The following CHFR variants were observed in gnomAD, a reference collection of about 807,000 sequenced individuals.
CHFR encodes checkpoint with forkhead and ring finger domains, also known as E3 ubiquitin-protein ligase CHFR.
Under a neutral mutation model 87.6 loss-of-function variants are expected in CHFR, and 57 were observed. The observed-to-expected ratio is 0.65, with a 90% CI of 0.53 to 0.81. The LOEUF is 0.81. Ranked by LOEUF, CHFR falls within the 30% of genes least tolerant of loss-of-function variation. The pLI is 0.00. For missense variants in CHFR, 797 were observed against 865.8 expected, an observed-to-expected ratio of 0.92 and a Z score of 1.00; for synonymous variants, 381 against 359.2, an observed-to-expected ratio of 1.06 and a Z score of -0.69.
intron 2 of CHFR, among the ~76,000 whole-genome samples, chr12:132,879,111 T>C (rs1951707322): frequency 6.7e-6 from 1 of 149,810 alleles, no homozygotes; most frequent in Non-Finnish European, 1.5e-5. Context: ...TTCAAGCCAT[T>C]CTCCTGCCTC....
chr12:132,877,745 T>A, intron 2 of CHFR, 91 bp from the exon 3 acceptor site: 1 of 703,896 alleles, frequency 1.4e-6, no homozygotes, highest in Non-Finnish European at 2.4e-6. Context: ...TGGTTCCAAC[T>A]CAGGATCCCC....
At chr12:132,849,988 C>G (rs1229923788) in intron 12 of CHFR, 1 of 152,040 alleles carries the variant, frequency 6.6e-6, no homozygotes, top group African/African-American at 2.4e-5. Context: ...GAGTCTTGCT[C>G]TGTCACCCAG....
At chr12:132,842,148 T>C (rs1034634518) in intron 17 of CHFR, among the ~76,000 whole-genome samples, 1 of 147,232 alleles carries the variant, frequency 6.8e-6, no homozygotes, top group African/African-American at 2.5e-5. Flanking sequence ...ACATCTTAGA[T>C]AATTTTTTTA....
chr12:132,842,842 C>T (rs1950730955), intron 17 of CHFR, among the ~76,000 whole-genome samples, 169 bp downstream of exon 17: 2 of 152,234 alleles, frequency 1.3e-5, no homozygotes, highest in African/African-American at 2.4e-5. Context: ...GGAGATAAAA[C>T]TGCATGAAAC....
rs1192161058 is a variant in CHFR, at chr12:132,877,551, T to G, written c.233+4A>C. On this transcript the variant is annotated splice_donor_region_variant and intron_variant, in intron 3 of 17. Transcript: ENST00000450056. ...ACACCAAAAGAAGCTCAGAACATAC[T>G]CACCTGGTATCTTCCAGTGTCACCT... 6.3e-7 allele frequency: 1 copy of G among 1,588,616 alleles called. No individual in the cohort carries two copies. Among genetic ancestry groups the G allele is most frequent in the Non-Finnish European group, 8.6e-7 (1 of 1,160,118 alleles).
chr12:132,844,759 T>G (rs966072104), intron 15 of CHFR, among the ~76,000 whole-genome samples: 2 of 152,164 alleles, frequency 1.3e-5, no homozygotes, highest in Admixed American at 6.5e-5. Context: ...GCCTCCCGAG[T>G]AGCTGGGACT....
rs60137048 is a variant in CHFR at position 132,858,725 on chromosome 12, TAAAAAAAAAAAAAAAAA to T, written c.911+326_911+342del. ...CCTGGTGACAGAGCGAGACTCCATC[TAAAAAAAAAAAAAAAAA>T]AAAAAAAAAAAAGGAATAAAAAATA... is the stretch of plus-strand genomic sequence containing the variant. On this transcript the variant is annotated intron_variant, in intron 8 of 17. Transcript: ENST00000450056. Among the ~76,000 whole-genome samples, 55 of 26,808 alleles carry T rather than the reference TAAAAAAAAAAAAAAAAA, an allele frequency of 2.1e-3. 1 individual carries two copies. The highest frequency in any genetic ancestry group is 0.25 in the Middle Eastern group (2 of 8). 17.6% of individuals were successfully genotyped at this position (26,808 alleles called of 152,430 possible). A position where few individuals can be genotyped will look rare whatever the true frequency, so the allele number is the denominator to read the frequency against.
intron 7 of CHFR, 130 bp from the exon 8 acceptor site, chr12:132,859,357 CT>C (rs961048958): frequency 3.8e-3 from 3,071 of 808,120 alleles, no homozygotes; most frequent in Middle Eastern, 5.3e-3. Context: ...TACATGCAGT[CT>C]TTTTTTTTTC....
chr12:132,885,236 C>T (rs1207218864), intron 2 of CHFR, among the ~76,000 whole-genome samples: 1 of 151,320 alleles, frequency 6.6e-6, no homozygotes, highest in Non-Finnish European at 1.5e-5. Context: ...GGTGAAACCC[C>T]GTCTCTACTA....
intron 7 of CHFR, 40 bp downstream of exon 7, chr12:132,861,427 C>T: frequency 6.3e-7 from 1 of 1,599,566 alleles, no homozygotes; most frequent in Non-Finnish European, 8.6e-7. Flanking sequence ...GCCCCAGGAG[C>T]ACACGAGAGG....
intron 5 of CHFR, among the ~76,000 whole-genome samples, chr12:132,870,256 G>T (rs563031244): frequency 1.3e-5 from 2 of 152,226 alleles, no homozygotes; most frequent in East Asian, 3.9e-4. Context: ...GGAGGCTGAG[G>T]CAGGAGAATG....
In CHFR at chr12:132,832,594, C is replaced by T. The variant is rs1260288870; in HGVS notation, c.*8960G>A. Reference sequence around the variant, plus strand: ...TATCAAGGTACTCCATAAATATATACACCTTTTATGTACCCACAGTAATTT... The same window carrying T: ...TATCAAGGTACTCCATAAATATATATACCTTTTATGTACCCACAGTAATTT... On this transcript the variant is annotated 3_prime_UTR_variant, in exon 18 of 18. Transcript: ENST00000450056. 6.6e-6 allele frequency: 1 copy of T among 152,084 alleles called. No homozygotes were observed. Among genetic ancestry groups the T allele is most frequent in the Non-Finnish European group, 1.5e-5 (1 of 68,014 alleles). 9.4% of individuals were successfully genotyped at this position (152,084 alleles called of 1,614,324 possible).
intron 3 of CHFR, among the ~76,000 whole-genome samples, chr12:132,876,376 A>G (rs1951632119): frequency 6.6e-6 from 1 of 152,186 alleles, no homozygotes; most frequent in Non-Finnish European, 1.5e-5. Flanking sequence ...TTTGAGCACC[A>G]ACAAGACACT....
Position 132,848,709 on chromosome 12 carries a change from T to G in CHFR, c.1508A>C (p.Gln503Pro), listed in dbSNP as rs201237898. 6.3e-7 allele frequency: 1 copy of G among 1,587,572 alleles called. No homozygotes were observed. Among genetic ancestry groups the G allele is most frequent in the Non-Finnish European group, 8.6e-7 (1 of 1,167,084 alleles). ...GCCCCAGTACAGGTGGCAGAAAGGC[T>G]GCAGGCAGACCGCACCTGTGGAGAG... ...VAPQQCAVCL[Q>P]PFCHLYWGCT... Residue 503 changes from glutamine (Q) to proline (P), a missense_variant, in exon 13 of 18, where the codon CAG (glutamine) becomes CCG (proline). Around this residue, in one of 2 missense-constraint regions of CHFR, gnomAD observed 200 missense variants for 264.6 expected, o/e 0.76. Coordinates refer to ENST00000450056, the MANE Select transcript of CHFR (RefSeq NM_001161346.2).
intron 16 of CHFR, 32 bp from the exon 17 acceptor site, chr12:132,843,115 G>A (rs1230457595): frequency 1.3e-6 from 2 of 1,593,348 alleles, no homozygotes; most frequent in African/African-American, 1.3e-5. Context: ...GCATCTATGA[G>A]ATGTATTGCA....
Position 132,841,401 on chromosome 12 carries a change from C to A in CHFR, c.*153G>T. On this transcript the variant is annotated 3_prime_UTR_variant, in exon 18 of 18. Coordinates refer to ENST00000450056, the MANE Select transcript of CHFR (RefSeq NM_001161346.2). ...GGAGGGTCTCACTCAGAGGGTAAAG[C>A]TCCACAGAAGAGTCACCCCAGAGCA... 1 of 652,986 alleles carries A rather than the reference C, an allele frequency of 1.5e-6. No individual in the cohort carries two copies. The highest frequency in any genetic ancestry group is 2.7e-5 in the Admixed American group (1 of 37,596). The allele number at this position is 652,986 out of a possible 1,614,324, so 40.4% of individuals were successfully genotyped here. A position where few individuals can be genotyped will look rare whatever the true frequency, so the allele number is the denominator to read the frequency against.
chr12:132,864,390 T>C (rs2136993943), intron 6 of CHFR, among the ~76,000 whole-genome samples: 1 of 152,376 alleles, frequency 6.6e-6, no homozygotes, highest in East Asian at 1.9e-4. Context: ...CCTGGCACAC[T>C]GCCTCACATT....
Position 132,863,785 on chromosome 12 carries a change from G to T in CHFR, c.584-2151C>A, listed in dbSNP as rs370736443. On this transcript the variant is annotated intron_variant, in intron 6 of 17. Transcript: ENST00000450056. ...CACCTCTATCTTTTTTTTGAGACAG[G>T]GTCTCACTCTTCACCCAGGCTGGAA... Among the ~76,000 whole-genome samples, 17 of 151,840 alleles carry T rather than the reference G, an allele frequency of 1.1e-4. No individual in the cohort carries two copies. The East Asian group carries it at 2.5e-3, about 22-fold the overall frequency.
intron 6 of CHFR, among the ~76,000 whole-genome samples, chr12:132,868,485 G>A (rs1951402944): frequency 6.6e-6 from 1 of 152,012 alleles, no homozygotes; most frequent in Non-Finnish European, 1.5e-5. Context: ...CTGGGTGACA[G>A]AGCGAGACTC....
Sources: allele counts gnomAD v4.1 joint callset (sites outside exome capture counted in the v4.1 genomes callset), GRCh38; gene constraint gnomAD v4.1.1; regional missense constraint gnomAD v4.1.1; transcripts MANE v1.5; gene names NCBI Gene and HGNC (gene_info 2026-07-23, HGNC 2026-07-21).